The following LRBA variants were observed in gnomAD, a reference collection of about 807,000 sequenced individuals.
LRBA encodes the protein lipopolysaccharide-responsive and beige-like anchor protein.
LRBA carries 176 observed loss-of-function variants against 330.0 expected under a neutral mutation model. The ratio of observed to expected loss-of-function variants is 0.53; its 90% CI spans 0.47 to 0.60. LRBA has a LOEUF of 0.60. Ranked by LOEUF, LRBA falls within the 20% of genes least tolerant of loss-of-function variation. The pLI is 0.00. For synonymous variants in LRBA, 1,230 were observed against 1,193.0 expected, an observed-to-expected ratio of 1.03 and a Z score of -0.64; for missense variants, 3,259 against 3,444.8, an observed-to-expected ratio of 0.95 and a Z score of 1.35.
In LRBA at chr4:150,828,348, G is replaced by A. The variant is rs760323448; in HGVS notation, c.5003C>T (p.Pro1668Leu). The A allele has an allele frequency of 2.4e-5, 38 of 1,613,960 alleles. No individual in the cohort carries two copies. The highest frequency in any genetic ancestry group is 1.6e-4 in the Middle Eastern group (1 of 6,084). The stretch of plus-strand genomic sequence containing the variant: ...GACGTTTTTTGAAACTGAAACTGAC[G>A]GTGTAGCCTTAGTGTCCAAGTCATT... The part of the protein sequence containing the change: ...RGNDLDTKAT[P>L]SVSVSKNVNV... The change falls in exon 30 of 57, where the codon CCG (proline) becomes CTG (leucine). Residue 1668 changes from proline (P) to leucine (L), a missense_variant. Coordinates refer to ENST00000651943, the MANE Select transcript of LRBA (RefSeq NM_001364905.1).
At chr4:150,658,514 TC>T (rs1428321709) in intron 37 of LRBA, among the ~76,000 whole-genome samples, 4 of 38 alleles carry the variant, frequency 0.11, no homozygotes, top group East Asian at 0.5. Flanking sequence ...AGTCTCCCTC[TC>T]CCTCTCCCTC....
chr4:150,820,411 T>C (rs1222652284), intron 30 of LRBA, among the ~76,000 whole-genome samples: 1 of 151,950 alleles, frequency 6.6e-6, no homozygotes, highest in Admixed American at 6.6e-5. Context: ...CACAATCATA[T>C]TAACATTTAA....
chr4:150,700,498 T>C (rs1479597861), intron 36 of LRBA, among the ~76,000 whole-genome samples: 2 of 152,266 alleles, frequency 1.3e-5, no homozygotes, highest in East Asian at 1.9e-4. Flanking sequence ...AGTGTACAAG[T>C]AGTGGGTGAA....
intron 40 of LRBA, among the ~76,000 whole-genome samples, chr4:150,526,063 T>C (rs1763441135): frequency 6.6e-6 from 1 of 152,134 alleles, no homozygotes; most frequent in Admixed American, 6.5e-5. Context: ...AAGATTCATT[T>C]GTGAGGAATA....
At chr4:150,907,100 T>C (rs939200322) in intron 11 of LRBA, among the ~76,000 whole-genome samples, 2 of 148,816 alleles carry the variant, frequency 1.3e-5, no homozygotes, top group African/African-American at 5.0e-5. Context: ...AAAAGATCAG[T>C]TGTTACTGCC....
chr4:150,768,888 C>A, intron 34 of LRBA, among the ~76,000 whole-genome samples: 1 of 140,260 alleles, frequency 7.1e-6, no homozygotes. Context: ...TAAATTTCAT[C>A]TAAAATATCA....
At chr4:150,350,281 A>C in intron 47 of LRBA, 122 bp from the exon 48 acceptor site, 8 of 811,902 alleles carry the variant, frequency 9.9e-6, no homozygotes, top group Non-Finnish European at 1.4e-5. Context: ...TTTAAAAAAC[A>C]AAACTTGTGG....
At chr4:150,757,711 C>T (rs1734504414) in intron 35 of LRBA, among the ~76,000 whole-genome samples, 1 of 152,076 alleles carries the variant, frequency 6.6e-6, no homozygotes, top group Non-Finnish European at 1.5e-5. Context: ...AAGCCAAATC[C>T]ACTGATTTAG....
intron 40 of LRBA, among the ~76,000 whole-genome samples, chr4:150,587,259 T>G (rs561253097): frequency 2.0e-5 from 3 of 152,290 alleles, no homozygotes; most frequent in Non-Finnish European, 2.9e-5. Context: ...ACTCAAAATA[T>G]GTGTATGTAT....
At chr4:150,694,122 T>C (rs1408749730) in intron 36 of LRBA, among the ~76,000 whole-genome samples, 1 of 152,128 alleles carries the variant, frequency 6.6e-6, no homozygotes, top group Non-Finnish European at 1.5e-5. Flanking sequence ...TTTGGTCAGC[T>C]GCTTTCTACA....
intron 2 of LRBA, among the ~76,000 whole-genome samples, chr4:150,941,370 CTCAAACTCCTGACCTTGTGAT>C: frequency 6.6e-6 from 1 of 151,762 alleles, no homozygotes; most frequent in Non-Finnish European, 1.5e-5. Flanking sequence ...CCAGGCTGGT[CTCAAACTCCTGACCTTGTGAT>C]CCACCCACCT....
intron 47 of LRBA, among the ~76,000 whole-genome samples, chr4:150,354,223 T>C (rs965038735): frequency 7.2e-5 from 11 of 152,170 alleles, no homozygotes; most frequent in African/African-American, 2.7e-4. Context: ...ATAGCTTTTT[T>C]ATATATTAAG....
At chr4:150,671,035 TGTGTGTGAGAGA>T in intron 37 of LRBA, among the ~76,000 whole-genome samples, 1 of 147,650 alleles carries the variant, frequency 6.8e-6, no homozygotes, top group East Asian at 2.0e-4. Context: ...TGTGTGTGTG[TGTGTGTGAGAGA>T]GAGAGAGAGA....
intron 14 of LRBA, among the ~76,000 whole-genome samples, chr4:150,899,652 A>G (rs1010253952): frequency 1.3e-5 from 2 of 152,198 alleles, no homozygotes; most frequent in African/African-American, 4.8e-5. Context: ...AGAGAAGCAG[A>G]TAACTCCTAC....
At chr4:150,588,001 C>A (rs367932854) in intron 40 of LRBA, 47 bp downstream of exon 40, 18 of 1,589,738 alleles carry the variant, frequency 1.1e-5, no homozygotes, top group Non-Finnish European at 1.5e-5. Context: ...TCCAACAGCA[C>A]CCACCATCCC....
chr4:150,751,822 T>C (rs1003596878), intron 35 of LRBA, among the ~76,000 whole-genome samples: 1 of 152,166 alleles, frequency 6.6e-6, no homozygotes, highest in Non-Finnish European at 1.5e-5. Context: ...ACAGTAATGA[T>C]GACAACCATC....
intron 37 of LRBA, among the ~76,000 whole-genome samples, chr4:150,679,214 G>A (rs1249525927): frequency 1.3e-5 from 2 of 152,138 alleles, no homozygotes; most frequent in Non-Finnish European, 2.9e-5. Context: ...AACGGGTCAA[G>A]TACATTAGCT....
At chr4:150,796,010 T>C (rs1560828000) in intron 34 of LRBA, among the ~76,000 whole-genome samples, 1 of 151,984 alleles carries the variant, frequency 6.6e-6, no homozygotes, top group Non-Finnish European at 1.5e-5. Context: ...TATCCCATTA[T>C]TTACGTGATT....
chr4:150,594,768 A>C lies in LRBA; in HGVS notation c.6047-3909T>G, dbSNP rs529975735. Among the ~76,000 whole-genome samples, 5 of 152,150 alleles carry C rather than the reference A, an allele frequency of 3.3e-5. No homozygotes were observed. In the East Asian group the frequency reaches 9.6e-4, roughly 29 times the overall value. ...TGAGGCTAAGAACAATGAAAGGCCT[A>C]AGAGAGAGAGGCTGGTCCCCAAAAT... is the stretch of plus-strand genomic sequence containing the variant. On this transcript the variant is annotated intron_variant, in intron 38 of 56. Coordinates refer to ENST00000651943, the MANE Select transcript of LRBA (RefSeq NM_001364905.1).
Sources: gnomAD v4.1 joint callset for allele counts (sites outside exome capture counted in the v4.1 genomes callset) on GRCh38, gnomAD v4.1.1 for gene constraint, MANE v1.5 for transcripts, NCBI Gene and HGNC (gene_info 2026-07-23, HGNC 2026-07-21) for gene names.